TENM3: variants seen among roughly 807,000 people sequenced by gnomAD.
TENM3 encodes the protein teneurin transmembrane protein 3, also known as teneurin-3.
Under a neutral mutation model 255.1 loss-of-function variants are expected in TENM3, and 63 were observed. The observed-to-expected ratio is 0.25, with a 90% CI of 0.20 to 0.30. The LOEUF is 0.30. Ranked by LOEUF, TENM3 falls within the 10% of genes least tolerant of loss-of-function variation. The pLI is 1.00. For missense variants in TENM3, 2,929 were observed against 3,461.1 expected (o/e 0.85, Z 3.86); for synonymous variants, 1,306 against 1,322.3 (o/e 0.99, Z 0.27).
chr4:182,312,790 A>C (rs781493399), intron 1 of TENM3, among the ~76,000 whole-genome samples: 1 of 152,174 alleles, frequency 6.6e-6, no homozygotes, highest in Non-Finnish European at 1.5e-5. Flanking sequence ...GGTATTATTT[A>C]CACTTTACCC....
At chr4:181,641,554 GTA>G in the TENM3 span, among the ~76,000 whole-genome samples, 275 of 26,896 alleles carry the variant, frequency 0.01, 5 homozygotes, top group East Asian at 0.053. Context: ...TGGTGTGTGT[GTA>G]TATATATATA....
the TENM3 span, among the ~76,000 whole-genome samples, chr4:181,946,135 G>T: frequency 6.6e-6 from 1 of 152,022 alleles, no homozygotes; most frequent in Non-Finnish European, 1.5e-5. Context: ...CATTATAAAT[G>T]ATGATGCAGT....
the TENM3 span, among the ~76,000 whole-genome samples, chr4:181,529,908 C>G: frequency 6.6e-6 from 1 of 152,160 alleles, no homozygotes; most frequent in Non-Finnish European, 1.5e-5. Flanking sequence ...TACAAACTTC[C>G]TATGTGGCCT....
At chr4:182,396,140 G>A (rs540358338) in intron 3 of TENM3, among the ~76,000 whole-genome samples, 9 of 152,134 alleles carry the variant, frequency 5.9e-5, no homozygotes, top group Non-Finnish European at 1.2e-4. Context: ...TGTTACCTGG[G>A]TGCATTGTGT....
the TENM3 span, among the ~76,000 whole-genome samples, chr4:181,817,397 A>G: frequency 6.6e-6 from 1 of 152,178 alleles, no homozygotes; most frequent in African/African-American, 2.4e-5. Context: ...GTAGACATTG[A>G]TAAATGTCCC....
chr4:182,052,848 CA>C, the TENM3 span, among the ~76,000 whole-genome samples: 1 of 152,118 alleles, frequency 6.6e-6, no homozygotes, highest in African/African-American at 2.4e-5. Flanking sequence ...ACGTGGGAAT[CA>C]AACTCTGAGG....
chr4:182,540,588 A>G (rs970474481), intron 3 of TENM3, among the ~76,000 whole-genome samples: 2 of 152,158 alleles, frequency 1.3e-5, no homozygotes. Flanking sequence ...CCATTTCAAA[A>G]AAAAAAAATT....
chr4:182,060,269 G>T, the TENM3 span, among the ~76,000 whole-genome samples: 1 of 152,036 alleles, frequency 6.6e-6, no homozygotes, highest in African/African-American at 2.4e-5. Context: ...AGTAGTCTAT[G>T]GCAGCAGTCC....
the TENM3 span, among the ~76,000 whole-genome samples, chr4:181,618,979 T>A: frequency 6.6e-6 from 1 of 152,194 alleles, no homozygotes; most frequent in African/African-American, 2.4e-5. Flanking sequence ...CTGCTTGGCA[T>A]CCTGGAAGGC....
chr4:181,481,041 C>A, the TENM3 span, among the ~76,000 whole-genome samples: 1 of 151,620 alleles, frequency 6.6e-6, no homozygotes, highest in Non-Finnish European at 1.5e-5. Flanking sequence ...TTAAAAAATT[C>A]TTCATGATAA....
chr4:181,840,703 T>G, the TENM3 span, among the ~76,000 whole-genome samples: 2 of 152,226 alleles, frequency 1.3e-5, no homozygotes, highest in African/African-American at 2.4e-5. Flanking sequence ...ATTTACCCCC[T>G]TAGGTGCAGG....
At chr4:182,710,866 T>C (rs1758697648) in intron 12 of TENM3, among the ~76,000 whole-genome samples, 1 of 152,208 alleles carries the variant, frequency 6.6e-6, no homozygotes, top group Non-Finnish European at 1.5e-5. Context: ...AGCCTAATTG[T>C]AGCCTCATGA....
At chr4:181,798,618 A>T in the TENM3 span, among the ~76,000 whole-genome samples, 17 of 152,240 alleles carry the variant, frequency 1.1e-4, no homozygotes, top group African/African-American at 4.1e-4. Flanking sequence ...AAACCAATGC[A>T]GGCTGGTGTA....
intron 13 of TENM3, among the ~76,000 whole-genome samples, chr4:182,725,433 G>A (rs1760084683): frequency 6.6e-6 from 1 of 151,666 alleles, no homozygotes; most frequent in African/African-American, 2.4e-5. Flanking sequence ...GAGAGAGAGG[G>A]AGAAAAAATG....
At chr4:182,468,824 TTGTGTGTGTG>T (rs66517986) in intron 3 of TENM3, among the ~76,000 whole-genome samples, 2,032 of 143,842 alleles carry the variant, frequency 0.014, 24 homozygotes, top group Middle Eastern at 0.028. Context: ...TCCTGTGTGC[TTGTGTGTGTG>T]TGTGTGTGTG....
At chr4:182,054,710 T>C in the TENM3 span, among the ~76,000 whole-genome samples, 1 of 152,176 alleles carries the variant, frequency 6.6e-6, no homozygotes, top group Non-Finnish European at 1.5e-5. Flanking sequence ...CCATTCTCCA[T>C]GTGATGTGAT....
intron 5 of TENM3, among the ~76,000 whole-genome samples, chr4:182,649,639 A>T (rs1288780241): frequency 6.6e-6 from 1 of 150,574 alleles, no homozygotes; most frequent in Non-Finnish European, 1.5e-5. Context: ...CTTGGAGTTA[A>T]ACAAAATAGC....
the TENM3 span, among the ~76,000 whole-genome samples, chr4:182,125,348 T>C: frequency 6.6e-6 from 1 of 152,226 alleles, no homozygotes; most frequent in Non-Finnish European, 1.5e-5. Flanking sequence ...GGTGTGCAAG[T>C]AGTAAGGCTA....
chr4:181,706,763 A>G, the TENM3 span, among the ~76,000 whole-genome samples: 21 of 152,228 alleles, frequency 1.4e-4, no homozygotes, highest in African/African-American at 4.6e-4. Context: ...CACAGCTAAA[A>G]CCTGAATTAC....
Sources: allele counts gnomAD v4.1 joint callset (sites outside exome capture counted in the v4.1 genomes callset), GRCh38; gene constraint gnomAD v4.1.1; transcripts MANE v1.5; gene names NCBI Gene and HGNC (gene_info 2026-07-23, HGNC 2026-07-21).